Variants in ZNF100 observed in about 807,000 individuals in gnomAD.
ZNF100 encodes the protein zinc finger protein 100 (Y1).
Under a neutral mutation model 15.8 loss-of-function variants are expected in ZNF100, and 12 were observed. The observed-to-expected ratio is 0.76, with a 90% CI of 0.49 to 1.23. ZNF100 has a LOEUF of 1.23. ZNF100 is among the 50% of genes most tolerant of loss of function. The pLI is 0.00. For synonymous variants in ZNF100, 226 were observed against 214.8 expected (o/e 1.05, Z -0.45); for missense variants, 670 against 635.6 (o/e 1.05, Z -0.58).
rs2036448152 is a variant in ZNF100 at position 21,759,623 on chromosome 19, A to G, written c.96+6071T>C. Among the ~76,000 whole-genome samples, 3 of 152,128 alleles carry G rather than the reference A, an allele frequency of 2.0e-5. No individual in the cohort carries two copies. In the South Asian group the frequency reaches 6.2e-4, roughly 32 times the overall value. On this transcript the variant is annotated intron_variant, in intron 2 of 4. Transcript: ENST00000358296. ...CAGGTCATAAAGAGCTGGCTGATAAAACAGTTTGCAGTAAAGAAGTGGGAT... is the reference window on the plus strand; with the variant it reads ...CAGGTCATAAAGAGCTGGCTGATAAGACAGTTTGCAGTAAAGAAGTGGGAT...
chr19:21,750,943 C>T (rs2036296636), intron 2 of ZNF100: 6 of 772,792 alleles, frequency 7.8e-6, no homozygotes, highest in Admixed American at 2.8e-5. Context: ...CCGACATCTA[C>T]GAGGCGGCAC....
intron 4 of ZNF100, among the ~76,000 whole-genome samples, chr19:21,730,445 AGTGTGTGT>A (rs58942514): frequency 0.02 from 2,893 of 147,708 alleles, 91 homozygotes; most frequent in African/African-American, 0.064. Flanking sequence ...TGATAACCTA[AGTGTGTGT>A]GTGTGTGTGT....
At position 21,724,760 on chromosome 19, in the gene ZNF100, A is replaced by G. The variant is rs1311920719; in HGVS notation, c.*1923T>C. 6.6e-6 allele frequency: 1 copy of G among 152,154 alleles called. No homozygotes were observed. Among genetic ancestry groups the G allele is most frequent in the East Asian group, 1.9e-4 (1 of 5,200 alleles). 9.4% of individuals were successfully genotyped at this position (152,154 alleles called of 1,614,324 possible). ...ATTAAGAAAAATAAATTTAAATAAA[A>G]TAAACATTTGGCTGGGCACGGTGGC... is the stretch of plus-strand genomic sequence containing the variant. On this transcript the variant is annotated 3_prime_UTR_variant, in exon 5 of 5. Transcript: ENST00000358296.
At chr19:21,747,856 T>C (rs748771899) in intron 2 of ZNF100, among the ~76,000 whole-genome samples, 1 of 152,218 alleles carries the variant, frequency 6.6e-6, no homozygotes, top group African/African-American at 2.4e-5. Flanking sequence ...GCATAACATA[T>C]TATGTGATTT....
intron 2 of ZNF100, among the ~76,000 whole-genome samples, chr19:21,749,225 A>G (rs2036262377): frequency 6.6e-6 from 1 of 152,044 alleles, no homozygotes; most frequent in Admixed American, 6.6e-5. Context: ...TCACCAAAGT[A>G]ACAGCAAACT....
At chr19:21,748,958 G>A (rs535394632) in intron 2 of ZNF100, among the ~76,000 whole-genome samples, 3 of 152,136 alleles carry the variant, frequency 2.0e-5, no homozygotes, top group African/African-American at 4.8e-5. Flanking sequence ...CGCCTGCCTC[G>A]GCCTCCCAAA....
intron 4 of ZNF100, among the ~76,000 whole-genome samples, chr19:21,739,383 C>G (rs1463852126): frequency 1.1e-4 from 16 of 152,140 alleles, no homozygotes; most frequent in Non-Finnish European, 2.9e-5. Flanking sequence ...TAGTGAGAGC[C>G]TGTCCCTAGA....
intron 2 of ZNF100, chr19:21,752,764 C>G (rs766728708): frequency 6.6e-6 from 1 of 152,152 alleles, no homozygotes; most frequent in African/African-American, 2.4e-5. Context: ...ATAGTTTGGG[C>G]CCTCCAAGGT....
In ZNF100 at chr19:21,726,854, T is replaced by C; in HGVS notation, c.1458A>G (p.Lys486=). 1 of 1,613,432 alleles carries C rather than the reference T, an allele frequency of 6.2e-7. No homozygotes were observed. The highest frequency in any genetic ancestry group is 8.5e-7 in the Non-Finnish European group (1 of 1,179,770). The change falls in exon 5 of 5, where the codon AAA becomes AAG. Residue 486 remains lysine (K), a synonymous_variant. Transcript: ENST00000358296. The stretch of plus-strand genomic sequence containing the variant: ...TAAAAGCTTTGCCACATTCCTCACA[T>C]TTGTAGGGTTTCTCTCCAGTATGAA... ...KMIHTGEKPY[K]CEECGKAFNR...
At chr19:21,744,188 G>C in intron 3 of ZNF100, 73 bp from the exon 4 acceptor site, 1 of 1,281,910 alleles carries the variant, frequency 7.8e-7, no homozygotes, top group Non-Finnish European at 1.0e-6. Context: ...GCTTAGTAAA[G>C]AGGAGGTGAT....
chr19:21,742,176 A>T (rs1428973630), intron 4 of ZNF100, among the ~76,000 whole-genome samples: 1 of 151,806 alleles, frequency 6.6e-6, no homozygotes, highest in African/African-American at 2.4e-5. Context: ...GGGCACCTAC[A>T]TTCCCAGCTA....
In ZNF100 at chr19:21,726,665, A is replaced by C; in HGVS notation, c.*18T>G. The C allele has an allele frequency of 6.3e-7, 1 of 1,596,700 alleles. No homozygotes were observed. The highest frequency in any genetic ancestry group is 8.5e-7 in the Non-Finnish European group (1 of 1,172,610). On this transcript the variant is annotated 3_prime_UTR_variant, in exon 5 of 5. Coordinates refer to ENST00000358296, the MANE Select transcript of ZNF100 (RefSeq NM_173531.4). ...TTTAGTAAGAGTTGAGGACTGGTAAAAGGCTTTGCCACATTTTTCACATTT... is the reference window on the plus strand; with the variant it reads ...TTTAGTAAGAGTTGAGGACTGGTAACAGGCTTTGCCACATTTTTCACATTT...
At chr19:21,742,934 A>G (rs1357337506) in intron 4 of ZNF100, 38 of 152,172 alleles carry the variant, frequency 2.5e-4, no homozygotes, top group Admixed American at 2.5e-3. Context: ...CTTTACAATA[A>G]AAGATATAAG....
intron 4 of ZNF100, 40 bp from the exon 5 acceptor site, chr19:21,728,029 A>G (rs781694116): frequency 4.8e-6 from 7 of 1,443,340 alleles, no homozygotes; most frequent in Non-Finnish European, 1.8e-6. Context: ...TACTTACTAG[A>G]CACAGATAGT....
At chr19:21,763,568 G>A (rs1039408292) in intron 2 of ZNF100, among the ~76,000 whole-genome samples, 5 of 151,904 alleles carry the variant, frequency 3.3e-5, no homozygotes, top group Non-Finnish European at 4.4e-5. Flanking sequence ...TCAGCCTGGC[G>A]ACAGAGTAAG....
At chr19:21,765,847 G>A in intron 1 of ZNF100, 61 bp from the exon 2 acceptor site, 1 of 1,517,254 alleles carries the variant, frequency 6.6e-7, no homozygotes, top group Non-Finnish European at 9.1e-7. Flanking sequence ...ACAGAACCAT[G>A]GCGGATATCT....
At chr19:21,731,364 A>AGT (rs1479603537) in intron 4 of ZNF100, among the ~76,000 whole-genome samples, 4 of 146,942 alleles carry the variant, frequency 2.7e-5, no homozygotes, top group Middle Eastern at 3.5e-3. Context: ...GCTGGAGTGC[A>AGT]GTGGCATGAT....
chr19:21,759,620 TA>T, intron 2 of ZNF100, among the ~76,000 whole-genome samples: 1 of 152,116 alleles, frequency 6.6e-6, no homozygotes, highest in Non-Finnish European at 1.5e-5. Flanking sequence ...AGCTGGCTGA[TA>T]AAACAGTTTG....
intron 4 of ZNF100, among the ~76,000 whole-genome samples, chr19:21,734,359 G>C (rs1193661733): frequency 6.6e-6 from 1 of 152,098 alleles, no homozygotes; most frequent in African/African-American, 2.4e-5. Flanking sequence ...CCAGTTTAGA[G>C]AGGAACATAA....
Sources: allele counts gnomAD v4.1 joint callset (sites outside exome capture counted in the v4.1 genomes callset), GRCh38; gene constraint gnomAD v4.1.1; transcripts MANE v1.5; gene names NCBI Gene and HGNC (gene_info 2026-07-23, HGNC 2026-07-21).